Variants in LIMA1 observed in about 807,000 individuals in gnomAD.
The protein encoded by LIMA1 is LIM domain and actin-binding protein 1.
In LIMA1, 52 loss-of-function variants were observed where a neutral mutation model predicts 62.6. The observed-to-expected ratio is 0.83, with a 90% CI of 0.67 to 1.05. LIMA1 has a LOEUF of 1.05. Among genes scored for constraint, LIMA1 ranks in the 50% least tolerant of loss-of-function variants. LIMA1 has a pLI of 0.00. For missense variants in LIMA1, 780 were observed against 902.2 expected (o/e 0.86, Z 1.74); for synonymous variants, 302 against 317.8 (o/e 0.95, Z 0.53).
chr12:50,247,229 C>G (rs1050148267), intron 2 of LIMA1, among the ~76,000 whole-genome samples: 1 of 151,972 alleles, frequency 6.6e-6, no homozygotes, highest in African/African-American at 2.4e-5. Flanking sequence ...TGCCCTTCCC[C>G]GAAATGAGTC....
chr12:50,275,794 G>A (rs1008932620), intron 1 of LIMA1, among the ~76,000 whole-genome samples: 3 of 152,140 alleles, frequency 2.0e-5, no homozygotes, highest in Non-Finnish European at 4.4e-5. Context: ...TGGGTGGGTC[G>A]TGTTGTGGGA....
Position 50,200,882 on chromosome 12 carries a change from A to C in LIMA1, c.867T>G (p.Asn289Lys), listed in dbSNP as rs1182163939. 2 of 1,612,314 alleles carry C rather than the reference A, an allele frequency of 1.2e-6. No homozygotes were observed. The highest frequency in any genetic ancestry group is 1.7e-6 in the Non-Finnish European group (2 of 1,179,592). ...TTTCGCCACCACTGGCTTTCAGCTCATTCTACAAAATAAAAATAACTGTAA... is the reference window on the plus strand; with the variant it reads ...TTTCGCCACCACTGGCTTTCAGCTCCTTCTACAAAATAAAAATAACTGTAA... ...SKQSSSTNYT[N>K]ELKASGGEIK... Residue 289 changes from asparagine (N) to lysine (K), a missense_variant and splice_region_variant, in exon 7 of 11, where the codon AAT becomes AAG. Physicochemically the swap from Asn to Lys is moderately conservative, Grantham distance 94 (BLOSUM62 0). Coordinates refer to ENST00000341247, the MANE Select transcript of LIMA1 (RefSeq NM_016357.5).
Position 50,192,464 on chromosome 12 carries a change from G to C in LIMA1, c.1128C>G (p.Pro376=), listed in dbSNP as rs1344939548. ...ATTGCCATCATACCTTCATTGCTTT[G>C]GGAGGAGAACTTTCAGAAAGACTGG... is the stretch of plus-strand genomic sequence containing the variant. The part of the protein sequence containing the change: ...RASSLSESSP[P]KAMKKFQAPA... Residue 376 remains proline, a synonymous_variant, in exon 9 of 11, where the codon CCC becomes CCG. Transcript: ENST00000341247. 1 of 1,611,032 alleles carries C rather than the reference G, an allele frequency of 6.2e-7. No homozygotes were observed. Among genetic ancestry groups the C allele is most frequent in the Non-Finnish European group, 8.5e-7 (1 of 1,177,290 alleles).
At chr12:50,278,852 C>G (rs1179022427) in intron 1 of LIMA1, among the ~76,000 whole-genome samples, 1 of 151,972 alleles carries the variant, frequency 6.6e-6, no homozygotes, top group Non-Finnish European at 1.5e-5. Flanking sequence ...GTTCAATTAC[C>G]TTTGTGTTTA....
intron 2 of LIMA1, among the ~76,000 whole-genome samples, chr12:50,244,685 G>A (rs572167808): frequency 6.6e-6 from 1 of 152,312 alleles, no homozygotes; most frequent in Non-Finnish European, 1.5e-5. Context: ...AAGGACCTGT[G>A]AGATCCCTCT....
intron 1 of LIMA1, among the ~76,000 whole-genome samples, chr12:50,278,351 C>T (rs906800174): frequency 1.3e-5 from 2 of 151,996 alleles, no homozygotes; most frequent in Non-Finnish European, 2.9e-5. Flanking sequence ...GAACCCGGGA[C>T]GTGGAGCTTG....
In LIMA1 at chr12:50,177,260, T is replaced by G; in HGVS notation, c.2084A>C (p.Lys695Thr). The G allele has an allele frequency of 3.1e-6, 5 of 1,614,110 alleles. No individual in the cohort carries two copies. The highest frequency in any genetic ancestry group is 4.2e-6 in the Non-Finnish European group (5 of 1,180,002). The change falls in exon 11 of 11, where the codon AAA (lysine) becomes ACA (threonine). Residue 695 changes from lysine to threonine, a missense_variant. Transcript: ENST00000341247. Reference sequence around the variant, plus strand: ...CTTGGGTTCTTGTGGAGATTGTTGTTTGAGGAAGCTGTTATCATCTTCATC... The same window carrying G: ...CTTGGGTTCTTGTGGAGATTGTTGTGTGAGGAAGCTGTTATCATCTTCATC... ...DSDEDDNSFL[K>T]QQSPQEPKSL...
intron 6 of LIMA1, chr12:50,201,330 AAG>A (rs1941045846): frequency 1.8e-5 from 18 of 987,940 alleles, no homozygotes; most frequent in Non-Finnish European, 2.2e-5. Flanking sequence ...CCGGCCTGGA[AAG>A]AGAGACAGGG....
chr12:50,220,094 T>C (rs187409748), intron 4 of LIMA1, among the ~76,000 whole-genome samples: 9 of 152,116 alleles, frequency 5.9e-5, no homozygotes, highest in Admixed American at 3.3e-4. Flanking sequence ...AGAGTCTCAC[T>C]CTGTTGCCCA....
intron 9 of LIMA1, among the ~76,000 whole-genome samples, chr12:50,182,367 G>C (rs556245971): frequency 2.6e-5 from 4 of 152,038 alleles, no homozygotes; most frequent in Non-Finnish European, 4.4e-5. Flanking sequence ...TCGGGGGGGG[G>C]AGTGCAGGGA....
chr12:50,248,574 G>T, intron 2 of LIMA1, 59 bp downstream of exon 2: 1 of 1,044,992 alleles, frequency 9.6e-7, no homozygotes, highest in Non-Finnish European at 1.5e-6. Flanking sequence ...CAATTTCCCT[G>T]ACAGGTGGCA....
intron 2 of LIMA1, among the ~76,000 whole-genome samples, chr12:50,243,363 A>G (rs1460635077): frequency 2.6e-5 from 4 of 152,138 alleles, no homozygotes; most frequent in Non-Finnish European, 5.9e-5. Flanking sequence ...AGGACTCACT[A>G]TTTGCAAACC....
At chr12:50,265,812 T>C (rs914530760) in intron 1 of LIMA1, among the ~76,000 whole-genome samples, 3 of 152,132 alleles carry the variant, frequency 2.0e-5, no homozygotes, top group African/African-American at 7.2e-5. Context: ...GTAAATTTTT[T>C]AAATCTTTAA....
intron 4 of LIMA1, among the ~76,000 whole-genome samples, chr12:50,210,469 G>T (rs1432104607): frequency 2.0e-5 from 3 of 151,188 alleles, no homozygotes; most frequent in Non-Finnish European, 2.9e-5. Context: ...AAGGAAACGG[G>T]TTCTGTGTTC....
intron 8 of LIMA1, among the ~76,000 whole-genome samples, chr12:50,193,508 TATATATGATATATATACAC>T (rs1391484317): frequency 4.3e-5 from 6 of 140,774 alleles, no homozygotes; most frequent in East Asian, 2.0e-4. Flanking sequence ...CATATATGTG[TATATATGATATATATACAC>T]ATATATGATA....
At chr12:50,275,060 C>G (rs1942259880) in intron 1 of LIMA1, among the ~76,000 whole-genome samples, 1 of 152,072 alleles carries the variant, frequency 6.6e-6, no homozygotes, top group Non-Finnish European at 1.5e-5. Flanking sequence ...ATTTCATGTA[C>G]TAAATGAGTA....
At chr12:50,188,652 A>C (rs1940685968) in intron 9 of LIMA1, 2 of 152,250 alleles carry the variant, frequency 1.3e-5, no homozygotes, top group African/African-American at 4.8e-5. Context: ...GCAGAGACAG[A>C]GACAGCTTTA....
chr12:50,222,536 C>A, intron 3 of LIMA1, 51 bp from the exon 4 acceptor site: 2 of 1,612,030 alleles, frequency 1.2e-6, no homozygotes, highest in South Asian at 2.2e-5. Context: ...CTGAAACATT[C>A]AAACATGTTG....
At chr12:50,204,407 G>C (rs555811444) in intron 6 of LIMA1, 145 bp downstream of exon 6, 2 of 887,600 alleles carry the variant, frequency 2.3e-6, no homozygotes, top group Non-Finnish European at 3.2e-6. Context: ...CAAATCCAGC[G>C]AGGGTAGGGT....
Sources: allele counts gnomAD v4.1 joint callset (sites outside exome capture counted in the v4.1 genomes callset), GRCh38; gene constraint gnomAD v4.1.1; transcripts MANE v1.5; gene names NCBI Gene and HGNC (gene_info 2026-07-23, HGNC 2026-07-21).